The following SEMA5A variants were observed in gnomAD, a reference collection of about 807,000 sequenced individuals.
The protein encoded by SEMA5A is semaphorin-5A.
In SEMA5A, 55 loss-of-function variants were observed where a neutral mutation model predicts 135.5. The observed-to-expected ratio is 0.41, with a 90% CI of 0.33 to 0.51. SEMA5A has a LOEUF of 0.51. Among genes scored for constraint, SEMA5A ranks in the 20% least tolerant of loss-of-function variants. SEMA5A has a pLI of 0.37. For missense variants in SEMA5A, 1,290 were observed against 1,419.9 expected, an observed-to-expected ratio of 0.91 and a Z score of 1.47; for synonymous variants, 580 against 546.5, an observed-to-expected ratio of 1.06 and a Z score of -0.85.
At chr5:9,445,054 C>T (rs185116962) in intron 1 of SEMA5A, among the ~76,000 whole-genome samples, 12 of 152,172 alleles carry the variant, frequency 7.9e-5, no homozygotes, top group African/African-American at 2.7e-4. Context: ...ACAATCAGAT[C>T]GTTATAGATA....
chr5:9,471,234 C>A lies in SEMA5A; in HGVS notation c.-174-33382G>T, dbSNP rs138436753. ...GTAATATGAGTGTCCTGAGGATGAACGAGTGATGGGGTCTCAACATGTTGG... is the reference window on the plus strand; with the variant it reads ...GTAATATGAGTGTCCTGAGGATGAAAGAGTGATGGGGTCTCAACATGTTGG... On this transcript the variant is annotated intron_variant, in intron 1 of 22. Coordinates refer to ENST00000382496, the MANE Select transcript of SEMA5A (RefSeq NM_003966.3). Among the ~76,000 whole-genome samples, 689 of 152,192 alleles carry A rather than the reference C, an allele frequency of 4.5e-3. 7 individuals are homozygous for A. Among genetic ancestry groups the A allele is most frequent in the African/African-American group, 0.015 (639 of 41,516 alleles).
chr5:9,086,385 A>G (rs537535833), intron 16 of SEMA5A, among the ~76,000 whole-genome samples: 6 of 150,538 alleles, frequency 4.0e-5, no homozygotes, highest in South Asian at 4.3e-4. Context: ...GTGGACCCAC[A>G]TGGAGGTGGG....
intron 4 of SEMA5A, among the ~76,000 whole-genome samples, chr5:9,323,456 T>G (rs1481490359): frequency 6.7e-6 from 1 of 150,112 alleles, no homozygotes; most frequent in East Asian, 1.9e-4. Context: ...ACTTATGTAT[T>G]TGTTAATAAA....
intron 1 of SEMA5A, among the ~76,000 whole-genome samples, chr5:9,462,329 T>C (rs13153085): frequency 0.3 from 45,611 of 152,042 alleles, 7,217 homozygotes; most frequent in East Asian, 0.54. Context: ...AAATAACAGA[T>C]GCTGGCGTGG....
intron 8 of SEMA5A, among the ~76,000 whole-genome samples, chr5:9,207,646 CT>C (rs1355742058): frequency 6.6e-6 from 1 of 152,158 alleles, no homozygotes; most frequent in African/African-American, 2.4e-5. Flanking sequence ...ATTTTAGACC[CT>C]CTCTGTATTG....
At chr5:9,073,517 C>A (rs1468742208) in intron 16 of SEMA5A, among the ~76,000 whole-genome samples, 1 of 152,134 alleles carries the variant, frequency 6.6e-6, no homozygotes, top group Non-Finnish European at 1.5e-5. Context: ...TGGTTAAAGC[C>A]TGTGTGCTTT....
intron 1 of SEMA5A, among the ~76,000 whole-genome samples, chr5:9,509,593 A>G (rs1033630990): frequency 6.6e-6 from 1 of 152,042 alleles, no homozygotes; most frequent in African/African-American, 2.4e-5. Context: ...AAATTATTTA[A>G]TGAGTGGATA....
Position 9,504,433 on chromosome 5 carries a change from T to C in SEMA5A, c.-175+41151A>G, listed in dbSNP as rs533188901. The stretch of plus-strand genomic sequence containing the variant: ...GTTTTCCAGAAACTTCTGCAAGCTC[T>C]AGAGATGCAGAAGTAAGCAGGGCAA... On this transcript the variant is annotated intron_variant, in intron 1 of 22. Coordinates refer to ENST00000382496, the MANE Select transcript of SEMA5A (RefSeq NM_003966.3). 1.5e-3 allele frequency among the ~76,000 whole-genome samples: 227 copies of C among 152,240 alleles called. 1 individual carries two copies. The Middle Eastern group carries it at 0.017, about 11-fold the overall frequency.
rs1735374461 is a variant in SEMA5A, at chr5:9,497,700, CAG to C, written c.-175+47882_-175+47883del. 2.6e-5 allele frequency among the ~76,000 whole-genome samples: 4 copies of C among 152,286 alleles called. No individual in the cohort carries two copies. In the South Asian group the frequency reaches 8.3e-4, roughly 32 times the overall value. ...TTTTACAGATGAGGAAAAAGAGACA[CAG>C]GGATGTCAATATCTTCCTCAAGGTC... On this transcript the variant is annotated intron_variant, in intron 1 of 22. Transcript: ENST00000382496.
At chr5:9,343,630 GCATTACATAAAC>G (rs1369195666) in intron 3 of SEMA5A, among the ~76,000 whole-genome samples, 2 of 152,050 alleles carry the variant, frequency 1.3e-5, no homozygotes, top group African/African-American at 4.8e-5. Flanking sequence ...TGGTTTCAGT[GCATTACATAAAC>G]CATCCTATCA....
At chr5:9,255,614 G>C (rs1388235317) in intron 5 of SEMA5A, among the ~76,000 whole-genome samples, 1 of 152,122 alleles carries the variant, frequency 6.6e-6, no homozygotes, top group Non-Finnish European at 1.5e-5. Flanking sequence ...ATCACTAGCT[G>C]CTCCTTCTCA....
intron 1 of SEMA5A, among the ~76,000 whole-genome samples, chr5:9,532,463 T>C (rs1484341361): frequency 1.4e-5 from 2 of 146,562 alleles, no homozygotes; most frequent in Non-Finnish European, 3.0e-5. Context: ...TTTTTTTGTA[T>C]TTTTAGTAGA....
At chr5:9,339,508 C>T (rs1431045453) in intron 3 of SEMA5A, among the ~76,000 whole-genome samples, 2 of 151,480 alleles carry the variant, frequency 1.3e-5, no homozygotes, top group African/African-American at 2.4e-5. Flanking sequence ...ATGCAGCATA[C>T]AAAACAGCAC....
rs550311207 is a variant in SEMA5A at position 9,496,685 on chromosome 5, T to C, written c.-175+48899A>G. On this transcript the variant is annotated intron_variant, in intron 1 of 22. Transcript: ENST00000382496. ...GTTGGAACTTAAGGTATAAACTCTG[T>C]CTGCTCGGTCACCAGCCTGCCTGCC... 2.0e-5 allele frequency among the ~76,000 whole-genome samples: 3 copies of C among 152,302 alleles called. No homozygotes were observed. The South Asian group carries it at 6.2e-4, about 32-fold the overall frequency.
At position 9,226,864 on chromosome 5, in the gene SEMA5A, CA is replaced by C; in HGVS notation, c.432+4del. The stretch of plus-strand genomic sequence containing the variant: ...ATTCTTTTGAGGCACAAAAAGAAGC[CA>C]TACCGAGCGGTTGGTGCAGACAGGC... On this transcript the variant is annotated splice_donor_region_variant and intron_variant, in intron 7 of 22. Coordinates refer to ENST00000382496, the MANE Select transcript of SEMA5A (RefSeq NM_003966.3). 1.2e-6 allele frequency: 2 copies of C among 1,601,218 alleles called. No individual in the cohort carries two copies. Among genetic ancestry groups the C allele is most frequent in the Non-Finnish European group, 1.7e-6 (2 of 1,172,536 alleles).
rs6875327 is a variant in SEMA5A, at chr5:9,226,890, C to T, written c.411G>A (p.Thr137=). 2,433 of 1,599,370 alleles carry T rather than the reference C, an allele frequency of 1.5e-3. 35 individuals carry two copies. The East Asian group carries it at 0.022, about 15-fold the overall frequency. The change falls in exon 7 of 23, where the codon ACG becomes ACA. Residue 137 remains threonine (T), a synonymous_variant. Transcript: ENST00000382496. The part of the protein sequence containing the change: ...RLFTCGTNAF[T]PVCTNRSLSN... ...ATACCGAGCGGTTGGTGCAGACAGG[C>T]GTGAATGCATTGGTCCCACAGGTGA...
intron 6 of SEMA5A, among the ~76,000 whole-genome samples, chr5:9,232,458 G>A (rs1053944570): frequency 6.6e-6 from 1 of 152,174 alleles, no homozygotes; most frequent in Non-Finnish European, 1.5e-5. Flanking sequence ...TGATTACCTG[G>A]TGACTCTTGC....
chr5:9,420,170 A>G (rs1166182117), intron 2 of SEMA5A, among the ~76,000 whole-genome samples: 2 of 152,136 alleles, frequency 1.3e-5, no homozygotes, highest in Non-Finnish European at 2.9e-5. Flanking sequence ...TACCACAGAG[A>G]CTGCTAAAAC....
chr5:9,124,282 T>A (rs1740986147), intron 13 of SEMA5A, among the ~76,000 whole-genome samples: 1 of 152,104 alleles, frequency 6.6e-6, no homozygotes, highest in Admixed American at 6.5e-5. Context: ...CCTGGCTCAT[T>A]GAAGAAGGGA....
Sources: allele counts gnomAD v4.1 joint callset (sites outside exome capture counted in the v4.1 genomes callset), GRCh38; gene constraint gnomAD v4.1.1; transcripts MANE v1.5; gene names NCBI Gene and HGNC (gene_info 2026-07-23, HGNC 2026-07-21).